Variants in FAM124A observed in about 807,000 individuals in gnomAD.
The protein encoded by FAM124A is family with sequence similarity 124 member A.
A neutral mutation model predicts 24.5 loss-of-function variants in FAM124A; 23 were observed. That is an observed-to-expected ratio of 0.94 (90% CI 0.68 to 1.33). FAM124A has a LOEUF of 1.33. FAM124A is among the 40% of genes most tolerant of loss of function. The pLI, the probability that FAM124A is intolerant of heterozygous loss-of-function variation, is 0.00. For synonymous variants in FAM124A, 287 were observed against 314.7 expected (o/e 0.91, Z 0.93); for missense variants, 623 against 722.8 (o/e 0.86, Z 1.58).
intron 2 of FAM124A, among the ~76,000 whole-genome samples, chr13:51,246,504 A>G (rs1421484955): frequency 5.3e-5 from 8 of 150,212 alleles, no homozygotes; most frequent in African/African-American, 1.7e-4. Context: ...CGTGCTAGTG[A>G]TGGCCAGAGC....
rs184093395 is a variant in FAM124A at position 51,247,746 on chromosome 13, G to C, written c.101-3722G>C. On this transcript the variant is annotated intron_variant, in intron 2 of 3. Coordinates refer to ENST00000322475, the MANE Select transcript of FAM124A (RefSeq NM_001242312.2). The stretch of plus-strand genomic sequence containing the variant: ...CTTAGCAAAGTCGCATGTCTCCACT[G>C]TTGGGAGTTCAAGGCACCAGAGAAA... Among the ~76,000 whole-genome samples the C allele has an allele frequency of 1.6e-3, 245 of 152,314 alleles. 1 individual carries two copies. Among genetic ancestry groups the C allele is most frequent in the African/African-American group, 5.5e-3 (230 of 41,552 alleles).
At chr13:51,222,650 T>C (rs1237529160) in intron 1 of FAM124A, 81 bp downstream of exon 1, 3 of 1,174,856 alleles carry the variant, frequency 2.6e-6, no homozygotes, top group Middle Eastern at 3.3e-4. Flanking sequence ...GGGACCCTCC[T>C]GATCCGTGCG....
intron 3 of FAM124A, among the ~76,000 whole-genome samples, chr13:51,273,302 G>T (rs893575311): frequency 6.6e-6 from 1 of 152,144 alleles, no homozygotes; most frequent in Non-Finnish European, 1.5e-5. Context: ...CAGGGATGCG[G>T]TTAAACATCC....
At chr13:51,275,974 AT>A (rs386770987) in intron 3 of FAM124A, among the ~76,000 whole-genome samples, 67 of 152,372 alleles carry the variant, frequency 4.4e-4, no homozygotes, top group African/African-American at 1.5e-3. Flanking sequence ...GATGGCAGGT[AT>A]TCTCTAAGTG....
At chr13:51,249,210 C>G (rs1170061664) in intron 2 of FAM124A, among the ~76,000 whole-genome samples, 2 of 152,188 alleles carry the variant, frequency 1.3e-5, no homozygotes, top group Non-Finnish European at 2.9e-5. Flanking sequence ...CCTTCAAGAC[C>G]CAGTTCATTT....
intron 3 of FAM124A, among the ~76,000 whole-genome samples, chr13:51,261,334 C>G (rs1019625528): frequency 1.3e-5 from 2 of 152,164 alleles, no homozygotes; most frequent in African/African-American, 4.8e-5. Flanking sequence ...GGGCTTGCCC[C>G]TGGGCCGAGA....
At position 51,283,318 on chromosome 13, in the gene FAM124A, G is replaced by A. The variant is rs570873115; in HGVS notation, c.*2062G>A. 28 of 152,346 alleles carry A rather than the reference G, an allele frequency of 1.8e-4. No individual in the cohort carries two copies. The highest frequency in any genetic ancestry group is 6.7e-4 in the African/African-American group (28 of 41,570). The allele number at this position is 152,346 out of a possible 1,614,324, so 9.4% of individuals were successfully genotyped here. On this transcript the variant is annotated 3_prime_UTR_variant, in exon 4 of 4. Coordinates refer to ENST00000322475, the MANE Select transcript of FAM124A (RefSeq NM_001242312.2). ...GGCCTCCCAAAGCACTGGGATTACAGGCATGAGCCACCATTCCCAGCCAAT... is the reference window on the plus strand; with the variant it reads ...GGCCTCCCAAAGCACTGGGATTACAAGCATGAGCCACCATTCCCAGCCAAT...
intron 3 of FAM124A, chr13:51,253,643 T>G (rs1954648515): frequency 6.6e-6 from 1 of 152,200 alleles, no homozygotes; most frequent in Admixed American, 6.5e-5. Flanking sequence ...GACTTCTTCC[T>G]TTTTGCAGTA....
intron 1 of FAM124A, among the ~76,000 whole-genome samples, chr13:51,228,607 T>C (rs1210463971): frequency 6.6e-6 from 1 of 152,164 alleles, no homozygotes; most frequent in Admixed American, 6.5e-5. Context: ...GCTGTTCCTC[T>C]TGCCTAAAAA....
At position 51,251,894 on chromosome 13, in the gene FAM124A, T is replaced by C. The variant is rs1954627831; in HGVS notation, c.527T>C (p.Val176Ala). The C allele has an allele frequency of 6.2e-7, 1 of 1,613,978 alleles. No homozygotes were observed. The change falls in exon 3 of 4, where the codon GTC (valine) becomes GCC (alanine). Residue 176 changes from valine to alanine, a missense_variant. Coordinates refer to ENST00000322475, the MANE Select transcript of FAM124A (RefSeq NM_001242312.2). The surrounding 1 kb of genome is among the most constrained non-coding windows in gnomAD (Gnocchi z 5.3). ...HYGKEIVRFT[V>A]YCRYDNYADS... ...GGCAAGGAAATCGTGCGCTTCACCG[T>C]CTACTGTCGCTACGACAACTATGCT...
In FAM124A at chr13:51,283,185, G is replaced by A. The variant is rs1593617313; in HGVS notation, c.*1929G>A. ...GCCTCCCAAGTAGCTGCGACTACAG[G>A]TGCGCACCACAATGCCTGGCTAATT... is the stretch of plus-strand genomic sequence containing the variant. On this transcript the variant is annotated 3_prime_UTR_variant, in exon 4 of 4. Transcript: ENST00000322475. The A allele has an allele frequency of 6.6e-6, 1 of 152,238 alleles. No homozygotes were observed. The highest frequency in any genetic ancestry group is 2.4e-5 in the African/African-American group (1 of 41,430). The allele number at this position is 152,238 out of a possible 1,614,324, so 9.4% of individuals were successfully genotyped here.
At chr13:51,233,550 G>T (rs993082016) in intron 2 of FAM124A, among the ~76,000 whole-genome samples, 1 of 151,730 alleles carries the variant, frequency 6.6e-6, no homozygotes, top group Non-Finnish European at 1.5e-5. Context: ...GGGTACCGGG[G>T]TGGGGCGGGT....
intron 1 of FAM124A, among the ~76,000 whole-genome samples, chr13:51,226,776 G>A (rs1954319807): frequency 6.6e-6 from 1 of 152,180 alleles, no homozygotes; most frequent in Non-Finnish European, 1.5e-5. Flanking sequence ...CAGTGGCCAT[G>A]TTGGCCACTT....
At chr13:51,256,566 G>A (rs1954676876) in intron 3 of FAM124A, among the ~76,000 whole-genome samples, 1 of 152,088 alleles carries the variant, frequency 6.6e-6, no homozygotes, top group South Asian at 2.1e-4. Context: ...GAGATTGACT[G>A]GGCCATCATT....
chr13:51,281,083 T>TC lies in FAM124A; in HGVS notation c.1470dup (p.Ser491LeufsTer34), dbSNP rs1383929835. The TC allele has an allele frequency of 3.1e-6, 5 of 1,613,868 alleles. No homozygotes were observed. Among genetic ancestry groups the TC allele is most frequent in the Middle Eastern group, 1.6e-4 (1 of 6,082 alleles). On this transcript the variant is annotated frameshift_variant, in exon 4 of 4. Coordinates refer to ENST00000322475, the MANE Select transcript of FAM124A (RefSeq NM_001242312.2). LOFTEE classifies it low-confidence loss of function (END_TRUNC). The stretch of plus-strand genomic sequence containing the variant: ...TTTCTTCACCAAAAGGTCTTCCAGC[T>TC]CCTCAGCGACAGCTCGTGCTGCTCC...
intron 3 of FAM124A, among the ~76,000 whole-genome samples, chr13:51,267,897 T>C (rs1954804482): frequency 1.3e-5 from 2 of 152,340 alleles, no homozygotes; most frequent in Middle Eastern, 3.4e-3. Context: ...AGTCGGTGTG[T>C]CAAGACTATC....
intron 3 of FAM124A, among the ~76,000 whole-genome samples, chr13:51,279,800 G>A (rs776208166): frequency 2.6e-5 from 4 of 152,182 alleles, no homozygotes; most frequent in East Asian, 1.9e-4. Context: ...GAAAGGTAAC[G>A]TATATAGAGG....
chr13:51,263,258 C>T (rs1954754512), intron 3 of FAM124A, among the ~76,000 whole-genome samples: 1 of 152,266 alleles, frequency 6.6e-6, no homozygotes, highest in Non-Finnish European at 1.5e-5. Flanking sequence ...TCCCAAGAGA[C>T]TGGGTTACTC....
In FAM124A at chr13:51,251,492, A is replaced by G. The variant is rs752223797; in HGVS notation, c.125A>G (p.Gln42Arg). 9.3e-6 allele frequency: 14 copies of G among 1,508,792 alleles called. No homozygotes were observed. The South Asian group carries it at 1.2e-4, about 13-fold the overall frequency. 93.5% of individuals were successfully genotyped at this position (1,508,792 alleles called of 1,614,324 possible). A position where few individuals can be genotyped will look rare whatever the true frequency, so the allele number is the denominator to read the frequency against. The change falls in exon 3 of 4, where the codon CAG (glutamine) becomes CGG (arginine). Residue 42 changes from glutamine to arginine, a missense_variant. Transcript: ENST00000322475. This position sits in a 1 kb window ranked among gnomAD's most constrained non-coding sequence, Gnocchi z 5.3. ...TSSELSVEEA[Q>R]DPFLVSIHII... is the part of the protein sequence containing the mutation. Reference sequence around the variant, plus strand: ...GGTGAGCTTTCCGTTGAAGAGGCGCAGGACCCTTTCCTGGTCAGCATCCAC... The same window carrying G: ...GGTGAGCTTTCCGTTGAAGAGGCGCGGGACCCTTTCCTGGTCAGCATCCAC...
Sources: gnomAD v4.1 joint callset for allele counts (sites outside exome capture counted in the v4.1 genomes callset) on GRCh38, gnomAD v4.1.1 for gene constraint, Gnocchi (gnomAD v3.1) non-coding constraint, MANE v1.5 for transcripts, NCBI Gene and HGNC (gene_info 2026-07-23, HGNC 2026-07-21) for gene names.